The following FGF18 variants were observed in gnomAD, a reference collection of about 807,000 sequenced individuals.
FGF18 encodes fibroblast growth factor 18.
Under a neutral mutation model 23.0 loss-of-function variants are expected in FGF18, and 5 were observed. The observed-to-expected ratio is 0.22, with a 90% confidence interval of 0.11 to 0.46. The LOEUF is 0.46. Ranked by LOEUF, FGF18 falls within the 20% of genes least tolerant of loss-of-function variation. FGF18 has a pLI of 0.99. For missense variants in FGF18, 180 were observed against 291.6 expected (o/e 0.62, Z 2.79); for synonymous variants, 117 against 118.9 (o/e 0.98, Z 0.10).
Position 171,430,645 on chromosome 5 carries a change from G to A in FGF18, c.70-5448G>A, listed in dbSNP as rs532112638. The stretch of plus-strand genomic sequence containing the variant: ...CTACTAAAAATACAAAAAATTAGCC[G>A]GGCGCGGTGGCGGGCGCCTGTAGTC... On this transcript the variant is annotated intron_variant, in intron 2 of 4. Transcript: ENST00000274625. Among the ~76,000 whole-genome samples, 30 of 148,110 alleles carry A rather than the reference G, an allele frequency of 2.0e-4. No homozygotes were observed. In the South Asian group the frequency reaches 5.5e-3, roughly 27 times the overall value.
At chr5:171,450,792 G>C (rs937558368) in intron 4 of FGF18, among the ~76,000 whole-genome samples, 3 of 152,056 alleles carry the variant, frequency 2.0e-5, no homozygotes, top group Non-Finnish European at 4.4e-5. Context: ...CCCCTGGCCT[G>C]GCCGGTCGTT....
intron 4 of FGF18, 104 bp downstream of exon 4, chr5:171,449,357 G>A: frequency 1.4e-6 from 1 of 730,430 alleles, no homozygotes; most frequent in Non-Finnish European, 2.5e-6. Flanking sequence ...ATGGAAAACA[G>A]GCCGTGTGTG....
At chr5:171,435,313 G>A (rs542662213) in intron 2 of FGF18, among the ~76,000 whole-genome samples, 43 of 152,344 alleles carry the variant, frequency 2.8e-4, no homozygotes, top group African/African-American at 1.0e-3. Flanking sequence ...GGAAGCAGAA[G>A]GCCAGTGAGG....
intron 4 of FGF18, among the ~76,000 whole-genome samples, chr5:171,452,683 T>A (rs751601392): frequency 5.9e-5 from 9 of 152,170 alleles, no homozygotes; most frequent in Admixed American, 5.9e-4. Flanking sequence ...ATTTTTCTCA[T>A]CTGCCACCAC....
rs1772574928 is a variant in FGF18 at position 171,456,040 on chromosome 5, C to A, written c.358-499C>A. On this transcript the variant is annotated intron_variant, in intron 4 of 4. Transcript: ENST00000274625. The surrounding 1 kb of genome is among the most constrained non-coding windows in gnomAD (Gnocchi z 6.1). ...CAGCCTCCTGCCCATGCCCCTTGTA[C>A]CTGCTGTCTCCTCTCTCTCCTCCTA... Among the ~76,000 whole-genome samples the A allele has an allele frequency of 6.6e-6, 1 of 152,202 alleles. No homozygotes were observed. Among genetic ancestry groups the A allele is most frequent in the Admixed American group, 6.5e-5 (1 of 15,282 alleles).
intron 4 of FGF18, among the ~76,000 whole-genome samples, chr5:171,450,920 G>A (rs1772493240): frequency 6.6e-6 from 1 of 152,006 alleles, no homozygotes; most frequent in Admixed American, 6.5e-5. Context: ...TCCCCCAGCA[G>A]GGGCCAGCGG....
chr5:171,446,072 A>G (rs68176291), intron 3 of FGF18, among the ~76,000 whole-genome samples: 49,930 of 151,862 alleles, frequency 0.33, 8,377 homozygotes, highest in East Asian at 0.44. Flanking sequence ...CTCCCCAAAG[A>G]CTTTACATAA....
chr5:171,437,260 GACA>G (rs1772261543), intron 3 of FGF18, among the ~76,000 whole-genome samples: 1 of 152,232 alleles, frequency 6.6e-6, no homozygotes, highest in Non-Finnish European at 1.5e-5. Flanking sequence ...GTCAGGACGT[GACA>G]ACAAGACAAA....
chr5:171,428,079 T>C (rs970906327), intron 2 of FGF18, among the ~76,000 whole-genome samples: 3 of 152,188 alleles, frequency 2.0e-5, no homozygotes, highest in Non-Finnish European at 2.9e-5. Context: ...GTTAAGTAAA[T>C]GTGAGCTGCG....
intron 4 of FGF18, among the ~76,000 whole-genome samples, chr5:171,455,156 T>G (rs1369487779): frequency 2.0e-5 from 3 of 152,200 alleles, no homozygotes; most frequent in African/African-American, 7.2e-5. Context: ...TAGAGGTCGT[T>G]TGTTTTCTGA....
intron 2 of FGF18, among the ~76,000 whole-genome samples, chr5:171,428,632 A>AGCTGACT (rs1404568496): frequency 6.6e-6 from 1 of 152,234 alleles, no homozygotes; most frequent in Non-Finnish European, 1.5e-5. Context: ...CAGAGCTCCA[A>AGCTGACT]GCTGACTGGG....
rs1243317799 is a variant in FGF18 at position 171,451,322 on chromosome 5, C to T, written c.357+2069C>T. ...TGGGCCCACCCGGGGGACTCGAGGA[C>T]GCCACCAAATCCACCTGTCCAGGCT... On this transcript the variant is annotated intron_variant, in intron 4 of 4. Coordinates refer to ENST00000274625, the MANE Select transcript of FGF18 (RefSeq NM_003862.3). This position sits in a 1 kb window ranked among gnomAD's most constrained non-coding sequence, Gnocchi z 4.5. Among the ~76,000 whole-genome samples, 1 of 152,148 alleles carries T rather than the reference C, an allele frequency of 6.6e-6. No homozygotes were observed. Among genetic ancestry groups the T allele is most frequent in the Admixed American group, 6.5e-5 (1 of 15,286 alleles).
At chr5:171,447,460 T>C (rs774992253) in intron 3 of FGF18, among the ~76,000 whole-genome samples, 3 of 152,258 alleles carry the variant, frequency 2.0e-5, no homozygotes, top group Non-Finnish European at 2.9e-5. Context: ...CGTTGGTTAA[T>C]ATCCCTGAGT....
chr5:171,443,198 C>T (rs941275553), intron 3 of FGF18, among the ~76,000 whole-genome samples: 16 of 151,558 alleles, frequency 1.1e-4, no homozygotes, highest in Non-Finnish European at 1.8e-4. Context: ...GGTGCAATCT[C>T]GGCTCATTGC....
chr5:171,448,417 C>T (rs147914469), intron 3 of FGF18, among the ~76,000 whole-genome samples: 75 of 152,232 alleles, frequency 4.9e-4, no homozygotes, highest in African/African-American at 1.1e-3. Flanking sequence ...TTAAAGGTGC[C>T]GGGGGCACTA....
At chr5:171,445,481 T>G (rs898967082) in intron 3 of FGF18, among the ~76,000 whole-genome samples, 4 of 152,010 alleles carry the variant, frequency 2.6e-5, no homozygotes, top group African/African-American at 4.8e-5. Flanking sequence ...GCCTCAGCCT[T>G]CTGAGTAGCT....
intron 4 of FGF18, 147 bp downstream of exon 4, chr5:171,449,400 TGA>T (rs112415649): frequency 0.089 from 31,466 of 353,448 alleles, 1,304 homozygotes; most frequent in Admixed American, 0.11. Flanking sequence ...TGTGTGTGTG[TGA>T]GAGAGAGAGA....
At chr5:171,448,285 C>A (rs551530339) in intron 3 of FGF18, among the ~76,000 whole-genome samples, 1 of 152,136 alleles carries the variant, frequency 6.6e-6, no homozygotes, top group Non-Finnish European at 1.5e-5. Context: ...TTCTGGGCTC[C>A]TGGGAGTTAG....
intron 2 of FGF18, among the ~76,000 whole-genome samples, chr5:171,430,387 T>A (rs1772162360): frequency 6.7e-6 from 1 of 149,536 alleles, no homozygotes. Context: ...TTGTACCAAC[T>A]CATAGGGTTT....
Sources: gnomAD v4.1 joint callset for allele counts (sites outside exome capture counted in the v4.1 genomes callset) on GRCh38, gnomAD v4.1.1 for gene constraint, Gnocchi (gnomAD v3.1) non-coding constraint, MANE v1.5 for transcripts, NCBI Gene and HGNC (gene_info 2026-07-23, HGNC 2026-07-21) for gene names.